The following ABLIM1 variants were observed in gnomAD, a reference collection of about 807,000 sequenced individuals.
ABLIM1 encodes the protein actin-binding LIM protein 1.
ABLIM1 carries 40 observed loss-of-function variants against 107.0 expected under a neutral mutation model. That is an observed-to-expected ratio of 0.37 (90% CI 0.29 to 0.49). ABLIM1 has a LOEUF of 0.49. Ranked by LOEUF, ABLIM1 falls within the 20% of genes least tolerant of loss-of-function variation. The pLI is 0.97. For missense variants in ABLIM1, 857 were observed against 1,008.5 expected (o/e 0.85, Z 2.04); for synonymous variants, 357 against 357.3 (o/e 1.00, Z 0.01).
At chr10:114,690,600 C>T in intron 1 of ABLIM1, 1 of 830,730 alleles carries the variant, frequency 1.2e-6, no homozygotes, top group East Asian at 2.4e-5. Flanking sequence ...CAAGGGCTCA[C>T]CATTGATGGC....
At chr10:114,436,811 C>A (rs952530917) in intron 22 of ABLIM1, among the ~76,000 whole-genome samples, 1 of 152,098 alleles carries the variant, frequency 6.6e-6, no homozygotes, top group Non-Finnish European at 1.5e-5. Context: ...GATGTCTGTT[C>A]TACTGAGAAG....
At chr10:114,488,100 C>T (rs1565557328) in intron 7 of ABLIM1, 84 bp from the exon 8 acceptor site, 2 of 1,383,174 alleles carry the variant, frequency 1.4e-6, no homozygotes, top group East Asian at 4.6e-5. Context: ...AGAATGGCTC[C>T]TATCCCTCTT....
At chr10:114,559,456 AAAAAAAGAAAG>A (rs1443496602) in intron 4 of ABLIM1, among the ~76,000 whole-genome samples, 3 of 141,850 alleles carry the variant, frequency 2.1e-5, no homozygotes, top group Admixed American at 6.9e-5. Context: ...AAAAAAAAAA[AAAAAAAGAAAG>A]AAAGAAAAAA....
intron 4 of ABLIM1, among the ~76,000 whole-genome samples, chr10:114,550,502 C>T (rs1286467309): frequency 6.6e-6 from 1 of 152,044 alleles, no homozygotes; most frequent in Non-Finnish European, 1.5e-5. Context: ...CCATTAGCAA[C>T]ATCCCCCACC....
At chr10:114,447,682 T>G (rs1404700173) in intron 15 of ABLIM1, among the ~76,000 whole-genome samples, 198 bp downstream of exon 15, 2 of 152,202 alleles carry the variant, frequency 1.3e-5, no homozygotes, top group African/African-American at 2.4e-5. Context: ...AAGACTCTGG[T>G]GGATGTGTTT....
At chr10:114,745,664 G>A (rs1409304887) in intron 1 of ABLIM1, among the ~76,000 whole-genome samples, 3 of 152,186 alleles carry the variant, frequency 2.0e-5, no homozygotes, top group Non-Finnish European at 4.4e-5. Flanking sequence ...GAGGTCAGGA[G>A]TTCAAGACCA....
At chr10:114,588,981 C>T (rs981003323) in intron 2 of ABLIM1, among the ~76,000 whole-genome samples, 5 of 152,024 alleles carry the variant, frequency 3.3e-5, no homozygotes, top group African/African-American at 1.2e-4. Context: ...AACAGATTGC[C>T]TGTACAATGA....
chr10:114,490,008 T>A (rs1350469571), intron 7 of ABLIM1, among the ~76,000 whole-genome samples: 1 of 152,202 alleles, frequency 6.6e-6, no homozygotes, highest in African/African-American at 2.4e-5. Context: ...ACCCGGAGCC[T>A]CTGAGTCTGT....
At chr10:114,792,914 G>A in the ABLIM1 span, among the ~76,000 whole-genome samples, 1,088 of 152,272 alleles carry the variant, frequency 7.1e-3, 7 homozygotes, top group African/African-American at 0.025. Flanking sequence ...CACTTTGGGA[G>A]GCAGAAGTGG....
intron 5 of ABLIM1, among the ~76,000 whole-genome samples, chr10:114,547,169 A>G (rs2067463329): frequency 6.6e-6 from 1 of 151,886 alleles, no homozygotes; most frequent in African/African-American, 2.4e-5. Flanking sequence ...AAAAAAAAAA[A>G]AGCCTCACTT....
At chr10:114,543,558 T>C (rs1007734540) in intron 6 of ABLIM1, among the ~76,000 whole-genome samples, 1 of 152,264 alleles carries the variant, frequency 6.6e-6, no homozygotes, top group African/African-American at 2.4e-5. Flanking sequence ...GGGTTGTTTC[T>C]ACCTTTCGGC....
rs557791007 is a variant in ABLIM1 at position 114,617,418 on chromosome 10, C to T, written c.245-15457G>A. Among the ~76,000 whole-genome samples, 9 of 151,956 alleles carry T rather than the reference C, an allele frequency of 5.9e-5. No individual in the cohort carries two copies. In the East Asian group the frequency reaches 1.4e-3, roughly 23 times the overall value. The stretch of plus-strand genomic sequence containing the variant: ...CTGGGATTACAGGTGCGTGCCAACA[C>T]GTTTGGCTAATTTTTTTTTTTGTAT... On this transcript the variant is annotated intron_variant, in intron 1 of 22. Coordinates refer to ENST00000533213, the MANE Select transcript of ABLIM1 (RefSeq NM_002313.7).
intron 1 of ABLIM1, among the ~76,000 whole-genome samples, chr10:114,605,697 G>A (rs2076363130): frequency 1.3e-5 from 2 of 152,130 alleles, no homozygotes; most frequent in Admixed American, 1.3e-4. Flanking sequence ...TGAACAATGA[G>A]GAAATACCTA....
In ABLIM1 at chr10:114,433,855, A is replaced by G. The variant is rs1394602393; in HGVS notation, c.*2405T>C. ...ATGCCCATGTTTCCCAAATACCTTG[A>G]TTTTTCTTATATTGACATTTCATCT... is the stretch of plus-strand genomic sequence containing the variant. On this transcript the variant is annotated 3_prime_UTR_variant, in exon 23 of 23. Transcript: ENST00000533213. 3.9e-5 allele frequency: 6 copies of G among 152,210 alleles called. No homozygotes were observed. The East Asian group carries it at 7.7e-4, about 20-fold the overall frequency. The allele number at this position is 152,210 out of a possible 1,614,324, so 9.4% of individuals were successfully genotyped here. A position where few individuals can be genotyped will look rare whatever the true frequency, so the allele number is the denominator to read the frequency against.
intron 4 of ABLIM1, among the ~76,000 whole-genome samples, chr10:114,560,780 A>G (rs984828422): frequency 2.0e-5 from 3 of 152,220 alleles, no homozygotes; most frequent in African/African-American, 4.8e-5. Context: ...CCAGACACAA[A>G]AGGCTAATAG....
At position 114,441,034 on chromosome 10, in the gene ABLIM1, A is replaced by G. The variant is rs548128530; in HGVS notation, c.2042T>C (p.Val681Ala). Residue 681 changes from valine to alanine, a missense_variant, in exon 19 of 23, where the codon GTC becomes GCC. This residue lies in a region of ABLIM1 where 193 missense variants were observed against 208.5 expected (regional missense o/e 0.93). Transcript: ENST00000533213. ...DFAQYNSYGD[V>A]SGGVRDYQTL... Reference sequence around the variant, plus strand: ...AGCCTCACCTCGCACTCCCCCGCTGACATCCCCATAGCTGTTATACTGAGC... The same window carrying G: ...AGCCTCACCTCGCACTCCCCCGCTGGCATCCCCATAGCTGTTATACTGAGC... 1 of 1,591,014 alleles carries G rather than the reference A, an allele frequency of 6.3e-7. No individual in the cohort carries two copies. Among genetic ancestry groups the G allele is most frequent in the African/African-American group, 1.3e-5 (1 of 74,786 alleles).
chr10:114,762,865 C>T (rs1376620211), intron 1 of ABLIM1, among the ~76,000 whole-genome samples: 2 of 152,226 alleles, frequency 1.3e-5, no homozygotes, highest in Non-Finnish European at 2.9e-5. Context: ...TTTCCAATAA[C>T]TGTGTAATAG....
Position 114,524,955 on chromosome 10 carries a change from G to A in ABLIM1, c.894+20050C>T, listed in dbSNP as rs575696928. ...CTTGGACCCCGCCAGGCCTCCCTGG[G>A]ACTCCAGCCTCCTCTCATAGACCCT... is the stretch of plus-strand genomic sequence containing the variant. On this transcript the variant is annotated intron_variant, in intron 6 of 22. Transcript: ENST00000533213. 9.2e-5 allele frequency among the ~76,000 whole-genome samples: 14 copies of A among 152,368 alleles called. 1 individual carries two copies. In the South Asian group the frequency reaches 2.1e-3, roughly 23 times the overall value.
intron 15 of ABLIM1, among the ~76,000 whole-genome samples, chr10:114,447,501 A>G (rs2061193917): frequency 6.6e-6 from 1 of 152,222 alleles, no homozygotes; most frequent in Non-Finnish European, 1.5e-5. Flanking sequence ...TTCTACAAAC[A>G]TTCGGTAAAT....
Sources: gnomAD v4.1 joint callset for allele counts (sites outside exome capture counted in the v4.1 genomes callset) on GRCh38, gnomAD v4.1.1 for gene constraint, gnomAD v4.1.1 regional missense constraint, MANE v1.5 for transcripts, NCBI Gene and HGNC (gene_info 2026-07-23, HGNC 2026-07-21) for gene names.